The following DLGAP2 variants were observed in gnomAD, a reference collection of about 807,000 sequenced individuals.
DLGAP2 encodes the protein DLG associated protein 2.
A neutral mutation model predicts 100.3 loss-of-function variants in DLGAP2; 26 were observed. The ratio of observed to expected loss-of-function variants is 0.26; its 90% confidence interval spans 0.19 to 0.36. DLGAP2 has a LOEUF of 0.36. DLGAP2 is among the 10% of genes least tolerant of loss of function. The pLI is 1.00. For synonymous variants in DLGAP2, 886 were observed against 630.1 expected, an observed-to-expected ratio of 1.41 and a Z score of -6.08; for missense variants, 1,858 against 1,453.2, an observed-to-expected ratio of 1.28 and a Z score of -4.53.
At chr8:1,604,362 A>G (rs1420306204) in intron 6 of DLGAP2, among the ~76,000 whole-genome samples, 1 of 152,176 alleles carries the variant, frequency 6.6e-6, no homozygotes, top group Non-Finnish European at 1.5e-5. Flanking sequence ...ACAGTACCTC[A>G]GTGGGGCATC....
chr8:1,421,346 A>G (rs1797082365), intron 3 of DLGAP2, among the ~76,000 whole-genome samples: 2 of 152,280 alleles, frequency 1.3e-5, no homozygotes, highest in Middle Eastern at 6.8e-3. Flanking sequence ...AGAATCTTCC[A>G]GCTGTGTTTG....
chr8:1,544,983 A>G (rs1357780204), intron 4 of DLGAP2, among the ~76,000 whole-genome samples: 7 of 152,162 alleles, frequency 4.6e-5, no homozygotes, highest in Non-Finnish European at 5.9e-5. Context: ...CACCCATCTC[A>G]GCCGCCCAAA....
chr8:1,321,023 G>C (rs1339673324), intron 3 of DLGAP2, among the ~76,000 whole-genome samples: 3 of 151,856 alleles, frequency 2.0e-5, no homozygotes, highest in South Asian at 2.1e-4. Flanking sequence ...GGGCATCCGT[G>C]TGCCTCTGTG....
intron 3 of DLGAP2, among the ~76,000 whole-genome samples, chr8:1,437,944 C>T (rs1797698283): frequency 6.6e-6 from 1 of 151,864 alleles, no homozygotes; most frequent in Non-Finnish European, 1.5e-5. Flanking sequence ...CGAGATTGCA[C>T]CACTGCACTC....
intron 2 of DLGAP2, among the ~76,000 whole-genome samples, chr8:1,235,522 A>T (rs1585176524): frequency 6.9e-6 from 1 of 144,602 alleles, no homozygotes; most frequent in African/African-American, 2.6e-5. Context: ...TCTCTCACAC[A>T]GAGCATCATG....
intron 1 of DLGAP2, among the ~76,000 whole-genome samples, chr8:826,726 T>C (rs747838609): frequency 5.9e-5 from 9 of 152,208 alleles, no homozygotes; most frequent in Non-Finnish European, 1.3e-4. Context: ...GACTTGTCTC[T>C]TCTGCTGCTC....
In DLGAP2 at chr8:1,081,130, G is replaced by A. The variant is rs148376913; in HGVS notation, c.73+173164G>A. ...TTTTACAATTGAAATAATGCTGAAC[G>A]TGCCACCTTTCTTACTGTTTTCTCG... On this transcript the variant is annotated intron_variant, in intron 2 of 14. Coordinates refer to ENST00000637795, the MANE Select transcript of DLGAP2 (RefSeq NM_001346810.2). 2.1e-3 allele frequency among the ~76,000 whole-genome samples: 316 copies of A among 152,122 alleles called. 1 individual carries two copies. The highest frequency in any genetic ancestry group is 1.7e-3 in the Non-Finnish European group (116 of 67,998).
chr8:1,370,389 C>G (rs1802209095), intron 3 of DLGAP2, among the ~76,000 whole-genome samples: 2 of 152,178 alleles, frequency 1.3e-5, no homozygotes, highest in African/African-American at 4.8e-5. Flanking sequence ...TAATACCCTC[C>G]AGGACTTCTC....
intron 12 of DLGAP2, among the ~76,000 whole-genome samples, chr8:1,691,005 A>T (rs1799246402): frequency 6.6e-6 from 1 of 152,154 alleles, no homozygotes; most frequent in African/African-American, 2.4e-5. Flanking sequence ...CCTACGTAAC[A>T]CACACCTCAC....
intron 2 of DLGAP2, among the ~76,000 whole-genome samples, chr8:1,145,538 G>C (rs1796591332): frequency 6.6e-6 from 1 of 152,054 alleles, no homozygotes; most frequent in African/African-American, 2.4e-5. Context: ...CTCTCCTCCT[G>C]TTTTCTAGTT....
intron 1 of DLGAP2, among the ~76,000 whole-genome samples, chr8:758,201 C>T (rs181224410): frequency 4.1e-4 from 62 of 152,228 alleles, no homozygotes; most frequent in African/African-American, 1.4e-3. Flanking sequence ...TGGAGGGGCC[C>T]CTGTATTGTG....
chr8:1,525,782 C>T (rs1449663316), intron 4 of DLGAP2, among the ~76,000 whole-genome samples: 3 of 152,166 alleles, frequency 2.0e-5, no homozygotes, highest in Admixed American at 6.5e-5. Context: ...TGTATCTTGG[C>T]CTCATCTCTT....
chr8:812,028 A>G (rs888723068), intron 1 of DLGAP2, among the ~76,000 whole-genome samples: 1 of 152,224 alleles, frequency 6.6e-6, no homozygotes, highest in African/African-American at 2.4e-5. Flanking sequence ...GACTTCTGCC[A>G]AAGCCTGTAC....
chr8:1,684,972 G>A (rs561547282), intron 12 of DLGAP2, among the ~76,000 whole-genome samples: 14 of 152,158 alleles, frequency 9.2e-5, no homozygotes, highest in South Asian at 8.3e-4. Context: ...CATGTTCACC[G>A]GGTCAGATGC....
At chr8:1,461,163 T>C (rs931964256) in intron 3 of DLGAP2, among the ~76,000 whole-genome samples, 17 of 146,896 alleles carry the variant, frequency 1.2e-4, no homozygotes, top group Non-Finnish European at 1.0e-4. Flanking sequence ...GGCATTTGGG[T>C]TGGGAGAAGG....
intron 1 of DLGAP2, among the ~76,000 whole-genome samples, chr8:755,274 C>T (rs1330021400): frequency 6.6e-6 from 1 of 152,004 alleles, no homozygotes; most frequent in Non-Finnish European, 1.5e-5. Context: ...GCTTGGGCAA[C>T]GTGGCAAAAC....
At chr8:1,646,012 T>C (rs1299378873) in intron 8 of DLGAP2, among the ~76,000 whole-genome samples, 1 of 152,152 alleles carries the variant, frequency 6.6e-6, no homozygotes, top group African/African-American at 2.4e-5. Flanking sequence ...CTCTGTATGA[T>C]AGTGTGATGG....
intron 2 of DLGAP2, among the ~76,000 whole-genome samples, chr8:1,205,233 C>A (rs915170318): frequency 1.6e-4 from 24 of 152,210 alleles, no homozygotes; most frequent in African/African-American, 5.8e-4. Context: ...AGTCAATGCT[C>A]TGCCTCAGTA....
intron 2 of DLGAP2, among the ~76,000 whole-genome samples, chr8:965,906 T>C (rs879708802): frequency 6.6e-6 from 1 of 152,226 alleles, no homozygotes; most frequent in Admixed American, 6.5e-5. Flanking sequence ...ATGTGGCTCC[T>C]GAGCCTGAGG....
Sources: allele counts gnomAD v4.1 joint callset (sites outside exome capture counted in the v4.1 genomes callset), GRCh38; gene constraint gnomAD v4.1.1; transcripts MANE v1.5; gene names NCBI Gene and HGNC (gene_info 2026-07-23, HGNC 2026-07-21).